Variants in VGLL3 observed in about 807,000 individuals in gnomAD.
VGLL3 encodes vestigial like family member 3.
A neutral mutation model predicts 29.2 loss-of-function variants in VGLL3; 18 were observed. That is an observed-to-expected ratio of 0.62 (90% CI 0.43 to 0.91). VGLL3 has a LOEUF of 0.91. Among genes scored for constraint, VGLL3 ranks in the 40% least tolerant of loss-of-function variants. The pLI is 0.00. For missense variants in VGLL3, 440 were observed against 413.2 expected (o/e 1.06, Z -0.56); for synonymous variants, 180 against 151.8 (o/e 1.19, Z -1.36).
intron 3 of VGLL3, among the ~76,000 whole-genome samples, chr3:86,960,869 T>C (rs1385715320): frequency 6.6e-6 from 1 of 151,146 alleles, no homozygotes; most frequent in Non-Finnish European, 1.5e-5. Context: ...AACATATGTT[T>C]ACTCCCTCTA....
intron 1 of VGLL3, among the ~76,000 whole-genome samples, chr3:86,985,884 C>T (rs1705429446): frequency 1.3e-5 from 2 of 152,224 alleles, no homozygotes; most frequent in South Asian, 4.1e-4. Flanking sequence ...GAAGTGAGAA[C>T]CAAGCTAAGC....
rs1398672539 is a variant in VGLL3, at chr3:86,942,402, T to C, written c.*4622A>G. On this transcript the variant is annotated 3_prime_UTR_variant, in exon 4 of 4. Coordinates refer to ENST00000398399, the MANE Select transcript of VGLL3 (RefSeq NM_016206.4). ...GCTTCCAATAAGATTGTTTCTTTTT[T>C]TCCTTGAGTAGAGTAAATCTGCTGA... 6.6e-6 allele frequency: 1 copy of C among 152,200 alleles called. No individual in the cohort carries two copies. The highest frequency in any genetic ancestry group is 1.5e-5 in the Non-Finnish European group (1 of 68,040). The allele number at this position is 152,200 out of a possible 1,614,324, so 9.4% of individuals were successfully genotyped here.
intron 3 of VGLL3, among the ~76,000 whole-genome samples, chr3:86,960,721 G>A (rs1022656582): frequency 2.6e-5 from 4 of 152,004 alleles, no homozygotes; most frequent in African/African-American, 9.7e-5. Context: ...AGTAAGAGAT[G>A]AACCAGATAG....
intron 3 of VGLL3, among the ~76,000 whole-genome samples, chr3:86,951,083 A>G (rs968815220): frequency 6.6e-6 from 1 of 152,096 alleles, no homozygotes; most frequent in African/African-American, 2.4e-5. Flanking sequence ...GGAAATAAAA[A>G]CATAAAAAAA....
At chr3:86,947,928 G>A (rs1184058451) in intron 3 of VGLL3, among the ~76,000 whole-genome samples, 5 of 151,546 alleles carry the variant, frequency 3.3e-5, no homozygotes, top group Non-Finnish European at 2.9e-5. Context: ...CAATTTGCAC[G>A]TACTCGAAGT....
Position 86,990,671 on chromosome 3 carries a change from C to A in VGLL3, c.73G>T (p.Ala25Ser). The change falls in exon 1 of 4, where the codon GCG becomes TCG. Residue 25 changes from alanine to serine, a missense_variant. Ala to Ser is a moderately conservative substitution (Grantham distance 99). Coordinates refer to ENST00000398399, the MANE Select transcript of VGLL3 (RefSeq NM_016206.4). ...TAGTAGGCTGTGGGGCAGGTTGTCGCTGCCATGGGGTTGGGCAGATACTGG... is the reference window on the plus strand; with the variant it reads ...TAGTAGGCTGTGGGGCAGGTTGTCGATGCCATGGGGTTGGGCAGATACTGG... ...ASQYLPNPMA[A>S]TTCPTAYYQP... 7.1e-7 allele frequency: 1 copy of A among 1,408,830 alleles called. No individual in the cohort carries two copies. The highest frequency in any genetic ancestry group is 9.3e-7 in the Non-Finnish European group (1 of 1,077,638). The allele number at this position is 1,408,830 out of a possible 1,614,324, so 87.3% of individuals were successfully genotyped here. A position where few individuals can be genotyped will look rare whatever the true frequency, so the allele number is the denominator to read the frequency against.
At chr3:86,954,392 C>T (rs1704675533) in intron 3 of VGLL3, among the ~76,000 whole-genome samples, 1 of 152,170 alleles carries the variant, frequency 6.6e-6, no homozygotes, top group South Asian at 2.1e-4. Flanking sequence ...TGTTTGCTCT[C>T]TCAGTACCCA....
intron 3 of VGLL3, among the ~76,000 whole-genome samples, chr3:86,959,968 G>C: frequency 6.6e-6 from 1 of 152,034 alleles, no homozygotes; most frequent in Non-Finnish European, 1.5e-5. Context: ...CTTTCATGGA[G>C]AGAAACTGCC....
chr3:86,960,539 G>T (rs911893638), intron 3 of VGLL3, among the ~76,000 whole-genome samples: 1 of 152,066 alleles, frequency 6.6e-6, no homozygotes, highest in African/African-American at 2.4e-5. Flanking sequence ...TGTTCAGAGA[G>T]AATACTAGAA....
At chr3:86,980,064 CT>C (rs1416364673) in intron 1 of VGLL3, among the ~76,000 whole-genome samples, 1 of 151,000 alleles carries the variant, frequency 6.6e-6, no homozygotes, top group Non-Finnish European at 1.5e-5. Flanking sequence ...ATGTATTATT[CT>C]AGTGACGAAA....
At position 86,947,063 on chromosome 3, in the gene VGLL3, T is replaced by C. The variant is rs1311800929; in HGVS notation, c.942A>G (p.Leu314=). 1.3e-6 allele frequency: 1 copy of C among 780,526 alleles called. No homozygotes were observed. Among genetic ancestry groups the C allele is most frequent in the East Asian group, 2.4e-5 (1 of 41,238 alleles). 48.4% of individuals were successfully genotyped at this position (780,526 alleles called of 1,614,324 possible). A position where few individuals can be genotyped will look rare whatever the true frequency, so the allele number is the denominator to read the frequency against. ...ATTCCTTACTCTTGTCTTGATGCTG[T>C]AGACCTGGAACAAATGACAATGGGG... ...IVPSVGFDTG[L]QHQDKSKESP... Residue 314 remains leucine (L), a synonymous_variant, in exon 4 of 4, where the codon CTA becomes CTG. Transcript: ENST00000398399.
intron 3 of VGLL3, among the ~76,000 whole-genome samples, chr3:86,966,771 GTGTATATATATATATA>G (rs1203100079): frequency 9.2e-4 from 64 of 69,536 alleles, no homozygotes; most frequent in South Asian, 8.5e-3. Flanking sequence ...TAGTGTGTGT[GTGTATATATATATATA>G]TATATATATA....
chr3:86,970,356 C>G (rs1259647257), intron 2 of VGLL3, among the ~76,000 whole-genome samples: 1 of 152,020 alleles, frequency 6.6e-6, no homozygotes, highest in Non-Finnish European at 1.5e-5. Flanking sequence ...ACAGGAAGCA[C>G]AGAGAGCCCC....
intron 2 of VGLL3, among the ~76,000 whole-genome samples, chr3:86,977,828 G>A (rs570639152): frequency 2.9e-4 from 44 of 152,278 alleles, no homozygotes; most frequent in Admixed American, 1.6e-3. Flanking sequence ...TTGGAATGAC[G>A]TATTATGTTT....
chr3:86,943,664 G>A lies in VGLL3; in HGVS notation c.*3360C>T, dbSNP rs974934043. 4 of 152,064 alleles carry A rather than the reference G, an allele frequency of 2.6e-5. No individual in the cohort carries two copies. The highest frequency in any genetic ancestry group is 9.7e-5 in the African/African-American group (4 of 41,414). The allele number at this position is 152,064 out of a possible 1,614,324, so 9.4% of individuals were successfully genotyped here. On this transcript the variant is annotated 3_prime_UTR_variant, in exon 4 of 4. Transcript: ENST00000398399. ...AGAAAGAAAAAGGAGAGCAAATAGA[G>A]GGGAAAGTTAAGAGAGGGTGCTTAA...
chr3:86,963,831 T>C (rs941517520), intron 3 of VGLL3, among the ~76,000 whole-genome samples: 19 of 152,196 alleles, frequency 1.2e-4, no homozygotes, highest in Admixed American at 4.6e-4. Context: ...AGAGCTGGGC[T>C]GACAAAATCA....
At position 86,978,596 on chromosome 3, in the gene VGLL3, G is replaced by A. The variant is rs1705256962; in HGVS notation, c.333C>T (p.Gly111=). Residue 111 remains glycine (G), a synonymous_variant, in exon 2 of 4, where the codon GGC becomes GGT. Coordinates refer to ENST00000398399, the MANE Select transcript of VGLL3 (RefSeq NM_016206.4). ...ATTCTGGATGGAGGGTGATGGCTTG[G>A]CCCAAAGCTCTTGAGAAGTGTTCAT... ...VVDEHFSRAL[G]QAITLHPESA... is the part of the protein sequence containing the mutation. 1 of 1,614,172 alleles carries A rather than the reference G, an allele frequency of 6.2e-7. No homozygotes were observed. Among genetic ancestry groups the A allele is most frequent in the South Asian group, 1.1e-5 (1 of 91,082 alleles).
chr3:86,989,963 C>A (rs1231077246), intron 1 of VGLL3, among the ~76,000 whole-genome samples: 2 of 152,122 alleles, frequency 1.3e-5, no homozygotes, highest in Non-Finnish European at 2.9e-5. Context: ...TCAAGGTAAC[C>A]TTTTGGCCGA....
chr3:86,946,357 A>T lies in VGLL3; in HGVS notation c.*667T>A, dbSNP rs1704506917. On this transcript the variant is annotated 3_prime_UTR_variant, in exon 4 of 4. Transcript: ENST00000398399. The stretch of plus-strand genomic sequence containing the variant: ...AGCATGGAATTAAATCTTTACTGAG[A>T]TTCAATGTAAAAACAATACTGCATT... The T allele has an allele frequency of 1.3e-5, 2 of 152,188 alleles. No homozygotes were observed. The highest frequency in any genetic ancestry group is 6.5e-5 in the Admixed American group (1 of 15,280). The allele number at this position is 152,188 out of a possible 1,614,324, so 9.4% of individuals were successfully genotyped here. A position where few individuals can be genotyped will look rare whatever the true frequency, so the allele number is the denominator to read the frequency against.
Sources: gnomAD v4.1 joint callset for allele counts (sites outside exome capture counted in the v4.1 genomes callset) on GRCh38, gnomAD v4.1.1 for gene constraint, MANE v1.5 for transcripts, NCBI Gene and HGNC (gene_info 2026-07-23, HGNC 2026-07-21) for gene names.